Variants in APBB2 observed in about 807,000 individuals in gnomAD.
APBB2 encodes the protein Fe65-like 1.
A neutral mutation model predicts 82.5 loss-of-function variants in APBB2; 38 were observed. The observed-to-expected ratio is 0.46, with a 90% CI of 0.36 to 0.60. The LOEUF (loss-of-function observed/expected upper bound fraction) is 0.60, where lower values mean the gene tolerates loss of function less well. Ranked by LOEUF, APBB2 falls within the 20% of genes least tolerant of loss-of-function variation. The pLI is 0.00. For missense variants in APBB2, 772 were observed against 972.3 expected, an observed-to-expected ratio of 0.79 and a Z score of 2.74; for synonymous variants, 341 against 368.2, an observed-to-expected ratio of 0.93 and a Z score of 0.85.
chr4:41,078,899 G>A (rs886456397), intron 3 of APBB2, among the ~76,000 whole-genome samples: 1 of 152,132 alleles, frequency 6.6e-6, no homozygotes, highest in Non-Finnish European at 1.5e-5. Context: ...CAACATAGAA[G>A]CAAAAATGGC....
At chr4:40,938,378 G>C (rs1785929937) in intron 7 of APBB2, among the ~76,000 whole-genome samples, 1 of 152,190 alleles carries the variant, frequency 6.6e-6, no homozygotes, top group South Asian at 2.1e-4. Flanking sequence ...CAAAACCCTT[G>C]AGCACCACAC....
chr4:40,874,640 G>A (rs962906739), intron 12 of APBB2, among the ~76,000 whole-genome samples: 1 of 152,160 alleles, frequency 6.6e-6, no homozygotes, highest in Non-Finnish European at 1.5e-5. Context: ...TCCCAGAACT[G>A]CTGGCCCTCT....
At chr4:41,144,996 T>C (rs1760306891) in intron 1 of APBB2, among the ~76,000 whole-genome samples, 1 of 152,202 alleles carries the variant, frequency 6.6e-6, no homozygotes, top group Admixed American at 6.5e-5. Context: ...GGGACATGCC[T>C]GTGGGCCCAG....
intron 3 of APBB2, among the ~76,000 whole-genome samples, chr4:41,082,312 T>TCCCG (rs1737929472): frequency 6.6e-6 from 1 of 152,194 alleles, no homozygotes; most frequent in Non-Finnish European, 1.5e-5. Context: ...GTACTTATTT[T>TCCCG]TGATAAGTTT....
chr4:40,811,522 A>AGCCTAGGCGACAGAG lies in APBB2; in HGVS notation c.*4569_*4570insCTCTGTCGCCTAGGC. ...AGCTGAAATTACACCACTGCACTCC[A>AGCCTAGGCGACAGAG]GAGTAAGACTCCTCTGTCTGAAGAA... is the stretch of plus-strand genomic sequence containing the variant. On this transcript the variant is annotated 3_prime_UTR_variant, in exon 18 of 18. Transcript: ENST00000508593. 1 of 113,694 alleles carries AGCCTAGGCGACAGAG rather than the reference A, an allele frequency of 8.8e-6. No individual in the cohort carries two copies. The highest frequency in any genetic ancestry group is 2.0e-4 in the East Asian group (1 of 4,886). 7.0% of individuals were successfully genotyped at this position (113,694 alleles called of 1,614,324 possible). A position where few individuals can be genotyped will look rare whatever the true frequency, so the allele number is the denominator to read the frequency against.
chr4:40,999,907 A>G (rs1056957321), intron 6 of APBB2, among the ~76,000 whole-genome samples: 7 of 152,092 alleles, frequency 4.6e-5, no homozygotes, highest in African/African-American at 1.2e-4. Flanking sequence ...GCTTAACAAA[A>G]AAAAGGCAGG....
At chr4:40,890,118 T>G (rs1321109226) in intron 12 of APBB2, among the ~76,000 whole-genome samples, 2 of 152,146 alleles carry the variant, frequency 1.3e-5, no homozygotes, top group Non-Finnish European at 2.9e-5. Context: ...AGAAGACACA[T>G]GCAGAACTAG....
At chr4:41,137,209 G>C (rs1272091799) in intron 2 of APBB2, among the ~76,000 whole-genome samples, 2 of 152,102 alleles carry the variant, frequency 1.3e-5, no homozygotes, top group Non-Finnish European at 2.9e-5. Context: ...TGTGATATGA[G>C]ACCCAATTCA....
At chr4:41,022,297 T>TA (rs1711927367) in intron 5 of APBB2, among the ~76,000 whole-genome samples, 1 of 152,220 alleles carries the variant, frequency 6.6e-6, no homozygotes, top group Non-Finnish European at 1.5e-5. Flanking sequence ...GTCAGGGCAT[T>TA]AAAATGTTCT....
intron 6 of APBB2, among the ~76,000 whole-genome samples, chr4:40,954,293 C>A (rs1362293485): frequency 6.6e-6 from 1 of 152,176 alleles, no homozygotes; most frequent in African/African-American, 2.4e-5. Flanking sequence ...CTACAGAGCA[C>A]AAGATTTCCC....
chr4:40,996,935 G>A (rs1411332377), intron 6 of APBB2, among the ~76,000 whole-genome samples: 1 of 152,092 alleles, frequency 6.6e-6, no homozygotes, highest in Admixed American at 6.5e-5. Context: ...ACTTGAAAAA[G>A]TTACTTTTGT....
chr4:40,945,220 T>C, intron 6 of APBB2, 147 bp from the exon 7 acceptor site: 1 of 652,814 alleles, frequency 1.5e-6, no homozygotes, highest in Non-Finnish European at 2.7e-6. Context: ...AATCCATCCA[T>C]ACTGATGTGT....
chr4:40,882,529 C>G (rs145279494), intron 12 of APBB2, among the ~76,000 whole-genome samples: 1 of 152,330 alleles, frequency 6.6e-6, no homozygotes, highest in East Asian at 1.9e-4. Context: ...ACTGATGCAA[C>G]TGGGATAAAG....
chr4:40,858,115 C>T (rs1761865294), intron 12 of APBB2, among the ~76,000 whole-genome samples: 1 of 151,996 alleles, frequency 6.6e-6, no homozygotes, highest in Non-Finnish European at 1.5e-5. Context: ...AGCTGAGCGC[C>T]CCTCCCCCCA....
At chr4:41,209,429 A>G (rs1778775250) in intron 1 of APBB2, among the ~76,000 whole-genome samples, 1 of 152,220 alleles carries the variant, frequency 6.6e-6, no homozygotes, top group South Asian at 2.1e-4. Flanking sequence ...GCAGCCAATC[A>G]CAGGCATCTG....
intron 5 of APBB2, among the ~76,000 whole-genome samples, chr4:41,022,602 A>G (rs1165110646): frequency 6.6e-6 from 1 of 152,174 alleles, no homozygotes; most frequent in Non-Finnish European, 1.5e-5. Context: ...ATGCATTTCT[A>G]TTACAGCATC....
At chr4:40,914,940 A>G (rs1027152292) in intron 10 of APBB2, among the ~76,000 whole-genome samples, 1 of 152,208 alleles carries the variant, frequency 6.6e-6, no homozygotes, top group East Asian at 1.9e-4. Context: ...GCTACTGACT[A>G]GAACCTTCAG....
In APBB2 at chr4:41,126,647, T is replaced by C. The variant is rs138740315; in HGVS notation, c.-261+16340A>G. Among the ~76,000 whole-genome samples the C allele has an allele frequency of 3.3e-5, 5 of 152,284 alleles. 1 individual carries two copies. Among genetic ancestry groups the C allele is most frequent in the East Asian group, 1.9e-4 (1 of 5,174 alleles). On this transcript the variant is annotated intron_variant, in intron 2 of 17. Coordinates refer to ENST00000508593, the MANE Select transcript of APBB2 (RefSeq NM_004307.2). ...ACTGGGTGGCTTAAACAATAGAAAGTTATTTTCTCACATTTCTGGAGGCTA... is the reference window on the plus strand; with the variant it reads ...ACTGGGTGGCTTAAACAATAGAAAGCTATTTTCTCACATTTCTGGAGGCTA...
intron 1 of APBB2, among the ~76,000 whole-genome samples, chr4:41,174,168 T>C (rs1187980624): frequency 6.6e-6 from 1 of 152,148 alleles, no homozygotes; most frequent in African/African-American, 2.4e-5. Flanking sequence ...CCAGGCAATA[T>C]ACTCAGGCAA....
Sources: allele counts gnomAD v4.1 joint callset (sites outside exome capture counted in the v4.1 genomes callset), GRCh38; gene constraint gnomAD v4.1.1; transcripts MANE v1.5; gene names NCBI Gene and HGNC (gene_info 2026-07-23, HGNC 2026-07-21).